The following AGBL1 variants were observed in gnomAD, a reference collection of about 807,000 sequenced individuals.
AGBL1 encodes the protein AGBL carboxypeptidase 1.
A neutral mutation model predicts 118.9 loss-of-function variants in AGBL1; 130 were observed. The ratio of observed to expected loss-of-function variants is 1.09; its 90% CI spans 0.95 to 1.26. The LOEUF is 1.26. Ranked by LOEUF, AGBL1 falls within the 50% of genes most tolerant of loss-of-function variation. The pLI is 0.00. For missense variants in AGBL1, 1,584 were observed against 1,298.1 expected, an observed-to-expected ratio of 1.22 and a Z score of -3.38; for synonymous variants, 555 against 478.9, an observed-to-expected ratio of 1.16 and a Z score of -2.08.
intron 22 of AGBL1, among the ~76,000 whole-genome samples, chr15:86,759,302 G>C (rs564310524): frequency 9.2e-5 from 14 of 152,228 alleles, no homozygotes; most frequent in Admixed American, 1.3e-4. Context: ...TCTAGCATGA[G>C]ACTTTTTTAG....
intron 15 of AGBL1, among the ~76,000 whole-genome samples, chr15:86,273,643 C>T (rs28537909): frequency 0.011 from 1,662 of 152,238 alleles, 33 homozygotes; most frequent in African/African-American, 0.039. Flanking sequence ...TGCTTCTCTC[C>T]TGCCTTTATT....
intron 17 of AGBL1, among the ~76,000 whole-genome samples, chr15:86,351,352 C>G (rs567486843): frequency 3.3e-4 from 50 of 152,166 alleles, no homozygotes; most frequent in African/African-American, 1.2e-3. Context: ...TGAATGTCCC[C>G]CCTGTTAATA....
At chr15:86,851,818 G>A (rs1362238978) in intron 22 of AGBL1, among the ~76,000 whole-genome samples, 1 of 152,180 alleles carries the variant, frequency 6.6e-6, no homozygotes, top group Non-Finnish European at 1.5e-5. Flanking sequence ...TATTCTCCAC[G>A]AGTTGCTGGA....
rs575533342 is a variant in AGBL1, at chr15:86,922,464, G to T, written c.3222-65523G>T. 1.1e-4 allele frequency among the ~76,000 whole-genome samples: 16 copies of T among 152,248 alleles called. No individual in the cohort carries two copies. The East Asian group carries it at 2.1e-3, about 20-fold the overall frequency. On this transcript the variant is annotated intron_variant, in intron 23 of 24. Transcript: ENST00000441037. ...TGCCACCATGCCCAGCTAATTCTGT[G>T]TATTTTTAGTAGAGACAGGGTTTCA...
At chr15:86,576,624 G>A (rs1279677999) in intron 21 of AGBL1, among the ~76,000 whole-genome samples, 3 of 152,180 alleles carry the variant, frequency 2.0e-5, no homozygotes, top group Non-Finnish European at 4.4e-5. Flanking sequence ...AAATACCTAA[G>A]GAGGCAGTGA....
chr15:86,228,313 G>A (rs568371876), intron 6 of AGBL1, among the ~76,000 whole-genome samples: 8 of 152,310 alleles, frequency 5.3e-5, no homozygotes, highest in East Asian at 3.9e-4. Context: ...ATCTGGGAAC[G>A]TTTATGTAAA....
At chr15:86,815,566 GT>G (rs1288998450) in intron 22 of AGBL1, among the ~76,000 whole-genome samples, 1 of 152,174 alleles carries the variant, frequency 6.6e-6, no homozygotes, top group Non-Finnish European at 1.5e-5. Context: ...ATTATCAGGA[GT>G]TATTGAAGTA....
chr15:86,301,446 A>G lies in AGBL1; in HGVS notation c.2374+6038A>G, dbSNP rs563102846. On this transcript the variant is annotated intron_variant, in intron 17 of 22. Transcript: ENST00000614907. Reference sequence around the variant, plus strand: ...GATGCTTTTGACAAATAGTACAGCTAAAAAAAAAATTAACTACAAGAGCAT... The same window carrying G: ...GATGCTTTTGACAAATAGTACAGCTGAAAAAAAAATTAACTACAAGAGCAT... 6.1e-5 allele frequency among the ~76,000 whole-genome samples: 9 copies of G among 146,456 alleles called. No individual in the cohort carries two copies. The East Asian group carries it at 1.8e-3, about 29-fold the overall frequency.
At chr15:86,537,990 C>T (rs2083448323) in intron 19 of AGBL1, among the ~76,000 whole-genome samples, 1 of 152,306 alleles carries the variant, frequency 6.6e-6, no homozygotes, top group Non-Finnish European at 1.5e-5. Context: ...TACAGGCGCT[C>T]TTTCATTGTA....
intron 9 of AGBL1, 58 bp from the exon 10 acceptor site, chr15:86,262,720 G>T (rs1597644345): frequency 8.5e-7 from 1 of 1,173,316 alleles, no homozygotes; most frequent in East Asian, 2.5e-5. Flanking sequence ...ATCATGTCTT[G>T]ATGCTTCTCA....
chr15:86,154,394 G>A, intron 3 of AGBL1, 36 bp from the exon 4 acceptor site: 1 of 1,601,964 alleles, frequency 6.2e-7, no homozygotes, highest in Non-Finnish European at 8.5e-7. Flanking sequence ...GAATCAATGT[G>A]AAGTGCAACT....
intron 1 of AGBL1, among the ~76,000 whole-genome samples, chr15:86,141,605 C>T (rs1043293022): frequency 3.3e-5 from 5 of 152,082 alleles, no homozygotes; most frequent in Admixed American, 1.3e-4. Flanking sequence ...GAGTGGAGAT[C>T]GCACCACTGC....
At chr15:86,564,456 GC>G (rs761924080) in intron 21 of AGBL1, among the ~76,000 whole-genome samples, 3 of 152,136 alleles carry the variant, frequency 2.0e-5, no homozygotes, top group Non-Finnish European at 4.4e-5. Context: ...TTGAATGTTG[GC>G]CCCCACTCTC....
At position 86,102,204 on chromosome 15, in the gene AGBL1, C is replaced by T. The variant is rs1896775251; in HGVS notation, c.51+22181C>T. On this transcript the variant is annotated intron_variant, in intron 1 of 22. Transcript: ENST00000614907. Reference sequence around the variant, plus strand: ...TACAGAAACGCACCAGCATGCCCAGCTTATTTTTGCATTTTTAGTAGCGAT... The same window carrying T: ...TACAGAAACGCACCAGCATGCCCAGTTTATTTTTGCATTTTTAGTAGCGAT... Among the ~76,000 whole-genome samples, 6 of 152,176 alleles carry T rather than the reference C, an allele frequency of 3.9e-5. No homozygotes were observed. The South Asian group carries it at 1.2e-3, about 32-fold the overall frequency.
chr15:86,237,164 C>G (rs980082044), intron 6 of AGBL1, among the ~76,000 whole-genome samples: 3 of 152,204 alleles, frequency 2.0e-5, no homozygotes, highest in Non-Finnish European at 4.4e-5. Context: ...ACCCTCTTTC[C>G]TCTGTATCTG....
At chr15:86,480,859 C>A (rs2163442) in intron 18 of AGBL1, among the ~76,000 whole-genome samples, 1 of 151,670 alleles carries the variant, frequency 6.6e-6, no homozygotes, top group Non-Finnish European at 1.5e-5. Context: ...AATATTTAGG[C>A]AATGGTGAGC....
chr15:87,021,405 C>T (rs571419578), intron 24 of AGBL1, among the ~76,000 whole-genome samples: 29 of 152,044 alleles, frequency 1.9e-4, no homozygotes, highest in Non-Finnish European at 3.8e-4. Context: ...GAAAGAAAAT[C>T]CAGGCAATAC....
chr15:86,633,848 G>GTATATATATATAATGTA (rs2085028427), intron 21 of AGBL1, among the ~76,000 whole-genome samples: 13 of 39,930 alleles, frequency 3.3e-4, no homozygotes, highest in African/African-American at 1.0e-3. Flanking sequence ...TATATATAAT[G>GTATATATATATAATGTA]TATATATATA....
At chr15:86,105,269 T>C (rs1409666759) in intron 1 of AGBL1, 1 of 152,188 alleles carries the variant, frequency 6.6e-6, no homozygotes, top group Non-Finnish European at 1.5e-5. Flanking sequence ...AATCACCCAA[T>C]GTTGAGACTC....
Sources: gnomAD v4.1 joint callset for allele counts (sites outside exome capture counted in the v4.1 genomes callset) on GRCh38, gnomAD v4.1.1 for gene constraint, MANE v1.5 for transcripts, NCBI Gene and HGNC (gene_info 2026-07-23, HGNC 2026-07-21) for gene names.